PTBP3: variants seen among roughly 807,000 people sequenced by gnomAD.
The protein encoded by PTBP3 is polypyrimidine tract binding protein 3.
In PTBP3, 20 loss-of-function variants were observed where a neutral mutation model predicts 58.7. That is an observed-to-expected ratio of 0.34 (90% CI 0.24 to 0.50). The LOEUF is 0.50. PTBP3 is among the 20% of genes least tolerant of loss of function. PTBP3 has a pLI of 0.98. For synonymous variants in PTBP3, 185 were observed against 219.8 expected, an observed-to-expected ratio of 0.84 and a Z score of 1.40; for missense variants, 509 against 637.2, an observed-to-expected ratio of 0.80 and a Z score of 2.17.
intron 2 of PTBP3, among the ~76,000 whole-genome samples, chr9:112,279,041 C>G (rs1368277706): frequency 6.6e-6 from 1 of 151,984 alleles, no homozygotes; most frequent in Non-Finnish European, 1.5e-5. Context: ...CATATTATTA[C>G]TATATGAAAT....
At chr9:112,335,647 G>T (rs1473349917), upstream of PTBP3, among the ~76,000 whole-genome samples, 2 of 136,016 alleles carry the variant, frequency 1.5e-5, no homozygotes, top group Admixed American at 7.3e-5. Context: ...TTATAGCTGG[G>T]CATGGTGGCT....
chr9:112,231,842 A>G (rs1369378209), intron 9 of PTBP3, among the ~76,000 whole-genome samples: 1 of 151,870 alleles, frequency 6.6e-6, no homozygotes, highest in Non-Finnish European at 1.5e-5. Flanking sequence ...CAGGAAGCAG[A>G]GGTCACAGTG....
intron 1 of PTBP3, among the ~76,000 whole-genome samples, chr9:112,299,050 T>C (rs760236880): frequency 4.6e-5 from 7 of 152,180 alleles, no homozygotes; most frequent in Admixed American, 2.6e-4. Context: ...TCAGGCTACA[T>C]ATGATAATTA....
At chr9:112,241,699 T>C (rs993846186) in intron 7 of PTBP3, among the ~76,000 whole-genome samples, 2 of 152,174 alleles carry the variant, frequency 1.3e-5, no homozygotes, top group Non-Finnish European at 2.9e-5. Flanking sequence ...TCCCTGTGGT[T>C]AAGCAATACA....
intron 1 of PTBP3, among the ~76,000 whole-genome samples, chr9:112,328,984 C>A (rs1008617611): frequency 1.3e-5 from 2 of 152,196 alleles, no homozygotes; most frequent in Non-Finnish European, 2.9e-5. Context: ...ATAATTTGAA[C>A]TGTAAGTGGC....
At chr9:112,333,384 C>G in intron 1 of PTBP3, 86 bp downstream of exon 1, 1 of 1,480,290 alleles carries the variant, frequency 6.8e-7, no homozygotes, top group Non-Finnish European at 9.1e-7. Context: ...GCGCACTGCT[C>G]CCCAGCCCTT....
the PTBP3 span, among the ~76,000 whole-genome samples, chr9:112,347,081 T>C: frequency 2.0e-5 from 3 of 152,142 alleles, no homozygotes; most frequent in Non-Finnish European, 4.4e-5. Context: ...AGAAGATGTA[T>C]GAAAAAATAT....
At chr9:112,308,057 T>G (rs1321746755) in intron 1 of PTBP3, among the ~76,000 whole-genome samples, 1 of 152,234 alleles carries the variant, frequency 6.6e-6, no homozygotes, top group African/African-American at 2.4e-5. Flanking sequence ...GCTTTAAACA[T>G]TCCCTTTTTT....
At chr9:112,254,949 C>T (rs978109420) in intron 5 of PTBP3, among the ~76,000 whole-genome samples, 1 of 151,878 alleles carries the variant, frequency 6.6e-6, no homozygotes, top group Non-Finnish European at 1.5e-5. Context: ...ACAAAATAGC[C>T]AAAACAGGAA....
intron 1 of PTBP3, among the ~76,000 whole-genome samples, chr9:112,315,906 T>C (rs2132413802): frequency 6.6e-6 from 1 of 152,338 alleles, no homozygotes; most frequent in Non-Finnish European, 1.5e-5. Context: ...TTCTTGGAAT[T>C]TAATTTTCTC....
At chr9:112,306,677 C>T (rs981743839) in intron 1 of PTBP3, among the ~76,000 whole-genome samples, 5 of 151,378 alleles carry the variant, frequency 3.3e-5, no homozygotes, top group Admixed American at 6.6e-5. Flanking sequence ...AGTGCAGTGG[C>T]GCTACTGGGT....
the PTBP3 span, among the ~76,000 whole-genome samples, chr9:112,374,285 G>T: frequency 9.9e-5 from 15 of 152,274 alleles, no homozygotes; most frequent in African/African-American, 3.4e-4. Flanking sequence ...AATCATTGTT[G>T]TGTCTCCTGG....
intron 1 of PTBP3, among the ~76,000 whole-genome samples, chr9:112,319,793 G>A (rs925271720): frequency 3.9e-5 from 6 of 152,174 alleles, no homozygotes; most frequent in Non-Finnish European, 8.8e-5. Flanking sequence ...CTCAGTGGAT[G>A]AATGGATAAA....
At chr9:112,239,638 G>A (rs1217382552) in intron 7 of PTBP3, among the ~76,000 whole-genome samples, 3 of 151,906 alleles carry the variant, frequency 2.0e-5, no homozygotes, top group African/African-American at 7.3e-5. Context: ...GGCTGAGGTG[G>A]AAGGATTGCT....
the PTBP3 span, among the ~76,000 whole-genome samples, chr9:112,351,147 T>C: frequency 6.6e-6 from 1 of 152,222 alleles, no homozygotes; most frequent in African/African-American, 2.4e-5. Flanking sequence ...GATTCATTTT[T>C]ACCTAGTATT....
the PTBP3 span, among the ~76,000 whole-genome samples, chr9:112,355,782 G>A: frequency 6.6e-6 from 1 of 151,882 alleles, no homozygotes; most frequent in East Asian, 1.9e-4. Context: ...ACCGCGCCTG[G>A]CTAATTTTTG....
chr9:112,296,890 C>T (rs1350668534), intron 2 of PTBP3, among the ~76,000 whole-genome samples: 2 of 152,108 alleles, frequency 1.3e-5, no homozygotes, highest in Admixed American at 6.6e-5. Flanking sequence ...AATTAATCAT[C>T]AATTACTATC....
chr9:112,311,943 T>C (rs768186159), intron 1 of PTBP3, among the ~76,000 whole-genome samples: 43 of 152,210 alleles, frequency 2.8e-4, no homozygotes, highest in African/African-American at 6.0e-4. Context: ...CTGGGCAACA[T>C]AGTGAAATCC....
the PTBP3 span, among the ~76,000 whole-genome samples, chr9:112,358,492 C>A: frequency 6.6e-6 from 1 of 152,176 alleles, no homozygotes; most frequent in East Asian, 1.9e-4. Context: ...ATTAGCATAA[C>A]CTTGCTAAAG....
Sources: gnomAD v4.1 joint callset for allele counts (sites outside exome capture counted in the v4.1 genomes callset) on GRCh38, gnomAD v4.1.1 for gene constraint, MANE v1.5 for transcripts, NCBI Gene and HGNC (gene_info 2026-07-23, HGNC 2026-07-21) for gene names.